The following CSMD1 variants were observed in gnomAD, a reference collection of about 807,000 sequenced individuals.
CSMD1 encodes CUB and Sushi multiple domains 1.
CSMD1 carries 213 observed loss-of-function variants against 417.5 expected under a neutral mutation model. That is an observed-to-expected ratio of 0.51 (90% CI 0.46 to 0.57). The LOEUF (loss-of-function observed/expected upper bound fraction) is 0.57. CSMD1 is among the 20% of genes least tolerant of loss of function. The probability of loss-of-function intolerance (pLI) is 0.00; values close to 1 mark genes in which losing one functional copy is unlikely to be tolerated. For missense variants in CSMD1, 6,923 were observed against 4,529.7 expected, an observed-to-expected ratio of 1.53 and a Z score of -15.17; for synonymous variants, 2,862 against 1,736.8, an observed-to-expected ratio of 1.65 and a Z score of -16.11.
chr8:3,566,138 G>C (rs775140450), intron 10 of CSMD1, among the ~76,000 whole-genome samples: 1 of 151,976 alleles, frequency 6.6e-6, no homozygotes, highest in Non-Finnish European at 1.5e-5. Flanking sequence ...AGATGGAGGA[G>C]AGAAAGAGGA....
intron 1 of CSMD1, among the ~76,000 whole-genome samples, chr8:4,688,570 C>A (rs963936062): frequency 6.6e-6 from 1 of 152,152 alleles, no homozygotes; most frequent in Non-Finnish European, 1.5e-5. Flanking sequence ...TCCCACTAAG[C>A]AGCAGTCAGA....
intron 12 of CSMD1, among the ~76,000 whole-genome samples, chr8:3,454,916 T>C (rs1816007304): frequency 6.6e-6 from 1 of 152,202 alleles, no homozygotes; most frequent in Non-Finnish European, 1.5e-5. Flanking sequence ...TTTTCCAACT[T>C]GGTTCCATTC....
At chr8:3,453,595 G>A (rs1028554101) in intron 12 of CSMD1, among the ~76,000 whole-genome samples, 2 of 152,162 alleles carry the variant, frequency 1.3e-5, no homozygotes, top group African/African-American at 4.8e-5. Context: ...GGAGCAGGTT[G>A]TTCAGTTTCC....
intron 41 of CSMD1, among the ~76,000 whole-genome samples, chr8:3,141,243 G>GA (rs1818421405): frequency 6.6e-6 from 1 of 152,122 alleles, no homozygotes; most frequent in Non-Finnish European, 1.5e-5. Context: ...TCCCCTGTGC[G>GA]TCTGTGAAAC....
intron 2 of CSMD1, among the ~76,000 whole-genome samples, chr8:4,476,412 A>T (rs868274754): frequency 1.3e-5 from 2 of 152,324 alleles, no homozygotes; most frequent in African/African-American, 4.8e-5. Context: ...AGTGTGATTA[A>T]TTCAGCTTCT....
At position 4,142,504 on chromosome 8, in the gene CSMD1, G is replaced by A. The variant is rs114834849; in HGVS notation, c.416-110405C>T. Among the ~76,000 whole-genome samples the A allele has an allele frequency of 1.3e-3, 196 of 151,316 alleles. 19 individuals are homozygous for A. Among genetic ancestry groups the A allele is most frequent in the African/African-American group, 4.6e-3 (188 of 40,610 alleles). On this transcript the variant is annotated intron_variant, in intron 3 of 69. Coordinates refer to ENST00000635120, the MANE Select transcript of CSMD1 (RefSeq NM_033225.6). ...GCTAAATTCACAAGCTCGTGAAAAA[G>A]GAGCTGTTCTAGATGAATTCTAAGT...
chr8:4,782,507 G>A (rs761131240), intron 1 of CSMD1, among the ~76,000 whole-genome samples: 1 of 152,044 alleles, frequency 6.6e-6, no homozygotes, highest in Non-Finnish European at 1.5e-5. Flanking sequence ...TGTAGATTTT[G>A]GTCTATCCAT....
chr8:3,905,499 C>A (rs1523258), intron 5 of CSMD1, among the ~76,000 whole-genome samples: 134,095 of 152,248 alleles, frequency 0.88, 59,236 homozygotes, highest in East Asian at 0.97. Context: ...TGAAAGATCT[C>A]TGTGCACCTG....
intron 3 of CSMD1, among the ~76,000 whole-genome samples, chr8:4,190,885 G>C (rs1488775308): frequency 6.6e-6 from 1 of 151,766 alleles, no homozygotes; most frequent in East Asian, 1.9e-4. Context: ...ACTTCTAAGA[G>C]GGAGCTAAAT....
chr8:3,394,253 A>G (rs555255024), intron 17 of CSMD1, among the ~76,000 whole-genome samples: 2 of 147,094 alleles, frequency 1.4e-5, no homozygotes, highest in Non-Finnish European at 3.0e-5. Flanking sequence ...ATATTATAGT[A>G]TAATATAATG....
chr8:4,058,240 G>C (rs1028613264), intron 3 of CSMD1, among the ~76,000 whole-genome samples: 4 of 152,090 alleles, frequency 2.6e-5, no homozygotes, highest in African/African-American at 9.6e-5. Context: ...TCCTTGAAGA[G>C]GTCCTTCACA....
Position 3,367,184 on chromosome 8 carries a change from T to C in CSMD1, c.2963A>G (p.Glu988Gly). The C allele has an allele frequency of 1.2e-6, 2 of 1,613,604 alleles. No individual in the cohort carries two copies. The highest frequency in any genetic ancestry group is 1.7e-6 in the Non-Finnish European group (2 of 1,179,778). The change falls in exon 20 of 70, where the codon GAG becomes GGG. Residue 988 changes from glutamate (E) to glycine (G), a missense_variant. Physicochemically the swap from Glu to Gly is moderately conservative, Grantham distance 98. Transcript: ENST00000635120. ...AACGGGCTCGGAAAAACTTCCATCC[T>C]CTGTGATCAGTAAATAGTCGTGGGA... is the stretch of plus-strand genomic sequence containing the variant. ...ESSHDYLLIT[E>G]DGSFSEPVAR...
chr8:4,075,215 T>G (rs1304115810), intron 3 of CSMD1, among the ~76,000 whole-genome samples: 2 of 152,184 alleles, frequency 1.3e-5, no homozygotes, highest in African/African-American at 4.8e-5. Flanking sequence ...AATATTTCAT[T>G]CTAGTATGTG....
chr8:4,966,962 T>C (rs1272386416), intron 1 of CSMD1, among the ~76,000 whole-genome samples: 4 of 152,206 alleles, frequency 2.6e-5, no homozygotes, highest in Admixed American at 6.5e-5. Flanking sequence ...CGTTTGCTTT[T>C]TACAAATTGC....
At chr8:4,915,005 A>C (rs1348886283) in intron 1 of CSMD1, among the ~76,000 whole-genome samples, 1 of 152,220 alleles carries the variant, frequency 6.6e-6, no homozygotes, top group Non-Finnish European at 1.5e-5. Flanking sequence ...TACCGTATTT[A>C]ATTCAATTCA....
At chr8:4,632,610 T>C (rs1280703668) in intron 2 of CSMD1, among the ~76,000 whole-genome samples, 2 of 152,114 alleles carry the variant, frequency 1.3e-5, no homozygotes, top group Non-Finnish European at 2.9e-5. Flanking sequence ...TATGTTCTAT[T>C]AGACATCTGA....
intron 18 of CSMD1, among the ~76,000 whole-genome samples, 155 bp downstream of exon 18, chr8:3,387,338 CG>C (rs1554534462): frequency 6.6e-6 from 1 of 152,088 alleles, no homozygotes; most frequent in Non-Finnish European, 1.5e-5. Flanking sequence ...TTCAAATGAT[CG>C]GGAATGATAC....
chr8:3,971,153 C>T (rs1190935737), intron 5 of CSMD1, among the ~76,000 whole-genome samples: 1 of 147,772 alleles, frequency 6.8e-6, no homozygotes, highest in African/African-American at 2.5e-5. Context: ...ATTCTATTTA[C>T]GCTGCCTCCT....
intron 1 of CSMD1, among the ~76,000 whole-genome samples, chr8:4,836,853 A>C (rs577795721): frequency 6.6e-6 from 1 of 152,266 alleles, no homozygotes; most frequent in South Asian, 2.1e-4. Flanking sequence ...GCTGTCTCCA[A>C]AGAAATGAGC....
Sources: allele counts gnomAD v4.1 joint callset (sites outside exome capture counted in the v4.1 genomes callset), GRCh38; gene constraint gnomAD v4.1.1; transcripts MANE v1.5; gene names NCBI Gene and HGNC (gene_info 2026-07-23, HGNC 2026-07-21).